The following MTFR1 variants were observed in gnomAD, a reference collection of about 807,000 sequenced individuals.
MTFR1 encodes chondrocyte protein with a poly-proline region.
In MTFR1, 28 loss-of-function variants were observed where a neutral mutation model predicts 38.8. The ratio of observed to expected loss-of-function variants is 0.72; its 90% CI spans 0.53 to 0.99. The LOEUF (loss-of-function observed/expected upper bound fraction) is 0.99. MTFR1 is among the 50% of genes least tolerant of loss of function. MTFR1 has a pLI of 0.00. For synonymous variants in MTFR1, 145 were observed against 137.0 expected, an observed-to-expected ratio of 1.06 and a Z score of -0.41; for missense variants, 358 against 395.5, an observed-to-expected ratio of 0.91 and a Z score of 0.81.
At chr8:65,711,601 A>G (rs1181339497), downstream of MTFR1, among the ~76,000 whole-genome samples, 3 of 152,094 alleles carry the variant, frequency 2.0e-5, no homozygotes, top group Non-Finnish European at 4.4e-5. Flanking sequence ...CTTCTCTGCT[A>G]CCCTATTGAT....
At chr8:65,713,623 C>T (rs1247851714), downstream of MTFR1, among the ~76,000 whole-genome samples, 1 of 152,106 alleles carries the variant, frequency 6.6e-6, no homozygotes, top group Admixed American at 6.6e-5. Flanking sequence ...CCTAAAGTAG[C>T]ATATTGAACA....
intron 2 of MTFR1, among the ~76,000 whole-genome samples, chr8:65,716,878 C>G (rs548237845): frequency 2.8e-4 from 42 of 152,242 alleles, no homozygotes; most frequent in Admixed American, 2.4e-3. Context: ...CCATATTCCT[C>G]TACTACCCTC....
chr8:65,758,035 T>C (rs11991758), intron 3 of MTFR1, among the ~76,000 whole-genome samples: 27,448 of 152,228 alleles, frequency 0.18, 3,190 homozygotes, highest in East Asian at 0.52. Flanking sequence ...TTTACTCAAA[T>C]GTTTCCACAT....
At chr8:65,750,980 A>G (rs1807923954) in intron 3 of MTFR1, among the ~76,000 whole-genome samples, 2 of 152,246 alleles carry the variant, frequency 1.3e-5, no homozygotes, top group East Asian at 1.9e-4. Context: ...AGAAACCTAC[A>G]TAACAGGATA....
chr8:65,705,252 G>A (rs558349978), intron 5 of MTFR1, among the ~76,000 whole-genome samples: 45 of 152,280 alleles, frequency 3.0e-4, no homozygotes, highest in African/African-American at 1.0e-3. Context: ...TGAACCTGGG[G>A]GGTGGAGAAC....
intron 3 of MTFR1, chr8:65,745,317 A>G: frequency 1.3e-6 from 1 of 782,266 alleles, no homozygotes; most frequent in Non-Finnish European, 2.3e-6. Context: ...CAACCTTAGT[A>G]CAGTAAATGA....
intron 1 of MTFR1, among the ~76,000 whole-genome samples, chr8:65,664,958 CAG>C (rs759581526): frequency 3.0e-4 from 37 of 124,010 alleles, no homozygotes; most frequent in Non-Finnish European, 5.7e-4. Context: ...TTTTTTTAGA[CAG>C]AGTCTTGCTC....
Position 65,693,741 on chromosome 8 carries a change from AGTGT to A in MTFR1, c.264_267del (p.Glu88AspfsTer5). 6.2e-7 allele frequency: 1 copy of A among 1,613,962 alleles called. No homozygotes were observed. The highest frequency in any genetic ancestry group is 1.1e-5 in the South Asian group (1 of 91,070). On this transcript the variant is annotated frameshift_variant, in exon 4 of 8. Transcript: ENST00000262146. LOFTEE classifies it high-confidence loss of function. The stretch of plus-strand genomic sequence containing the variant: ...GGATGGGTAGCCAAAGAAGAAGGAG[AGTGT>A]TCAGCAAGACTAAGGTTAGTTTGGA...
intron 3 of MTFR1, chr8:65,739,425 T>C (rs934603913): frequency 5.3e-5 from 76 of 1,431,560 alleles, no homozygotes; most frequent in Non-Finnish European, 6.4e-5. Flanking sequence ...AGCTAACCGA[T>C]ATAACTGAGA....
intron 2 of MTFR1, among the ~76,000 whole-genome samples, chr8:65,671,086 C>G (rs961798050): frequency 6.6e-6 from 1 of 152,078 alleles, no homozygotes; most frequent in African/African-American, 2.4e-5. Flanking sequence ...CATCTGTTTT[C>G]TTCGGAGATT....
At position 65,709,425 on chromosome 8, in the gene MTFR1, AAC is replaced by A. The variant is rs1021328347; in HGVS notation, c.*383_*384del. 6.2e-6 allele frequency: 1 copy of A among 162,256 alleles called. No homozygotes were observed. The highest frequency in any genetic ancestry group is 2.4e-5 in the African/African-American group (1 of 41,848). The allele number at this position is 162,256 out of a possible 1,614,324, so 10.1% of individuals were successfully genotyped here. On this transcript the variant is annotated 3_prime_UTR_variant, in exon 8 of 8. Coordinates refer to ENST00000262146, the MANE Select transcript of MTFR1 (RefSeq NM_014637.4). ...TTTTATATGCATATTTTTGGACATA[AAC>A]AGTTTATGTAAAATTAGTAATGAAT...
chr8:65,773,387 T>G (rs2128921623), downstream of MTFR1, among the ~76,000 whole-genome samples: 1 of 152,312 alleles, frequency 6.6e-6, no homozygotes, highest in Non-Finnish European at 1.5e-5. Flanking sequence ...CAACTACAAC[T>G]TACACATTTG....
rs188343495 is a variant in MTFR1, at chr8:65,684,605, G to A, written c.165+2154G>A. ...TCTCCGTGTTGGCCAGGTTGGTCTCGAACTCCCAACCACAGGTGATCCATC... is the reference window on the plus strand; with the variant it reads ...TCTCCGTGTTGGCCAGGTTGGTCTCAAACTCCCAACCACAGGTGATCCATC... On this transcript the variant is annotated intron_variant, in intron 3 of 7. Coordinates refer to ENST00000262146, the MANE Select transcript of MTFR1 (RefSeq NM_014637.4). Among the ~76,000 whole-genome samples, 528 of 151,564 alleles carry A rather than the reference G, an allele frequency of 3.5e-3. 3 individuals carry two copies. Among genetic ancestry groups the A allele is most frequent in the South Asian group, 0.021 (101 of 4,798 alleles).
At chr8:65,716,101 T>C (rs571388201) in intron 2 of MTFR1, among the ~76,000 whole-genome samples, 1 of 140,006 alleles carries the variant, frequency 7.1e-6, no homozygotes, top group East Asian at 2.1e-4. Context: ...GAGGCTGCAG[T>C]GATCATGCCA....
At chr8:65,644,009 TC>T (rs2129045902), upstream of MTFR1, among the ~76,000 whole-genome samples, 1 of 152,190 alleles carries the variant, frequency 6.6e-6, no homozygotes, top group African/African-American at 2.4e-5. Context: ...AACAGCCTCT[TC>T]AAAAGCCATA....
At chr8:65,749,392 T>A (rs1422015463) in intron 3 of MTFR1, among the ~76,000 whole-genome samples, 1 of 152,236 alleles carries the variant, frequency 6.6e-6, no homozygotes, top group African/African-American at 2.4e-5. Flanking sequence ...CACACTGTTA[T>A]GTGATTTACT....
At chr8:65,766,118 G>GT (rs1208848773) in intron 3 of MTFR1, among the ~76,000 whole-genome samples, 1 of 152,004 alleles carries the variant, frequency 6.6e-6, no homozygotes, top group African/African-American at 2.4e-5. Flanking sequence ...GCTAATTTTT[G>GT]TATTTTTAGT....
chr8:65,742,820 G>C (rs1394843993), intron 3 of MTFR1, among the ~76,000 whole-genome samples: 1 of 152,208 alleles, frequency 6.6e-6, no homozygotes, highest in Admixed American at 6.5e-5. Flanking sequence ...AGCTAACCAT[G>C]AGTGGTTTCT....
At chr8:65,723,579 C>T in intron 3 of MTFR1, 1 of 1,583,480 alleles carries the variant, frequency 6.3e-7, no homozygotes, top group Non-Finnish European at 8.6e-7. Flanking sequence ...GTGACGATCG[C>T]AAAGTGGACT....
Sources: gnomAD v4.1 joint callset for allele counts (sites outside exome capture counted in the v4.1 genomes callset) on GRCh38, gnomAD v4.1.1 for gene constraint, MANE v1.5 for transcripts, NCBI Gene and HGNC (gene_info 2026-07-23, HGNC 2026-07-21) for gene names.